Variants in FBXO3 observed in about 807,000 individuals in gnomAD.
The protein encoded by FBXO3 is F-box protein 3.
Under a neutral mutation model 64.8 loss-of-function variants are expected in FBXO3, and 17 were observed. That is an observed-to-expected ratio of 0.26 (90% CI 0.18 to 0.39). The LOEUF (loss-of-function observed/expected upper bound fraction) is 0.39. Among genes scored for constraint, FBXO3 ranks in the 10% least tolerant of loss-of-function variants. FBXO3 has a pLI of 1.00. For missense variants in FBXO3, 420 were observed against 589.9 expected, an observed-to-expected ratio of 0.71 and a Z score of 2.98; for synonymous variants, 182 against 201.6, an observed-to-expected ratio of 0.90 and a Z score of 0.82.
At chr11:33,753,445 G>GC (rs1216913936) in intron 6 of FBXO3, 2 of 152,168 alleles carry the variant, frequency 1.3e-5, no homozygotes, top group African/African-American at 4.8e-5. Context: ...GAGTAGCACT[G>GC]CTGGACCACA....
intron 5 of FBXO3, among the ~76,000 whole-genome samples, chr11:33,755,100 G>C (rs1443196302): frequency 6.6e-6 from 1 of 151,920 alleles, no homozygotes; most frequent in African/African-American, 2.4e-5. Flanking sequence ...TCAAACTCCT[G>C]ATCTCAGTTG....
At chr11:33,745,542 T>G (rs907520099) in intron 10 of FBXO3, 1 of 151,894 alleles carries the variant, frequency 6.6e-6, no homozygotes, top group Non-Finnish European at 1.5e-5. Flanking sequence ...AACTGAAAAC[T>G]CCCCCAAATG....
rs892648506 is a variant in FBXO3 at position 33,755,307 on chromosome 11, C to T, written c.678+464G>A. Among the ~76,000 whole-genome samples the T allele has an allele frequency of 3.3e-5, 5 of 152,016 alleles. No individual in the cohort carries two copies. In the East Asian group the frequency reaches 9.6e-4, roughly 29 times the overall value. Reference sequence around the variant, plus strand: ...ATTTTTTCATTTTTATTAAATGAAACCAATACCATATTTTCTGTGGTTACA... The same window carrying T: ...ATTTTTTCATTTTTATTAAATGAAATCAATACCATATTTTCTGTGGTTACA... On this transcript the variant is annotated intron_variant, in intron 5 of 10. Transcript: ENST00000265651.
In FBXO3 at chr11:33,751,623, G is replaced by C. The variant is rs1474491588; in HGVS notation, c.725-16C>G. 1 of 1,442,574 alleles carries C rather than the reference G, an allele frequency of 6.9e-7. No individual in the cohort carries two copies. Among genetic ancestry groups the C allele is most frequent in the African/African-American group, 1.4e-5 (1 of 69,100 alleles). The allele number at this position is 1,442,574 out of a possible 1,614,324, so 89.4% of individuals were successfully genotyped here. A position where few individuals can be genotyped will look rare whatever the true frequency, so the allele number is the denominator to read the frequency against. On this transcript the variant is annotated splice_polypyrimidine_tract_variant and intron_variant, in intron 6 of 10. Transcript: ENST00000265651. ...AAAGTAGCACCTATAAAGCAGGAAAGGGAGAAAAAAAGAAAAGAACAAATA... is the reference window on the plus strand; with the variant it reads ...AAAGTAGCACCTATAAAGCAGGAAACGGAGAAAAAAAGAAAAGAACAAATA...
At chr11:33,770,919 T>C in intron 1 of FBXO3, 89 bp from the exon 2 acceptor site, 1 of 1,056,248 alleles carries the variant, frequency 9.5e-7, no homozygotes, top group Non-Finnish European at 1.4e-6. Context: ...TTTTGTTTTA[T>C]GCCTTTTGTT....
chr11:33,748,147 A>C (rs1477164768), intron 9 of FBXO3, among the ~76,000 whole-genome samples: 1 of 152,206 alleles, frequency 6.6e-6, no homozygotes, highest in African/African-American at 2.4e-5. Flanking sequence ...CTGTGGCTTT[A>C]ATAAAGCCTC....
intron 3 of FBXO3, among the ~76,000 whole-genome samples, chr11:33,759,690 C>A (rs78177638): frequency 0.024 from 3,638 of 152,014 alleles, 130 homozygotes; most frequent in African/African-American, 0.08. Flanking sequence ...TAGGCCTATA[C>A]CAAGACAAGA....
intron 9 of FBXO3, 69 bp downstream of exon 9, chr11:33,748,708 A>G (rs1289262156): frequency 1.1e-5 from 11 of 961,448 alleles, no homozygotes; most frequent in Non-Finnish European, 1.8e-5. Flanking sequence ...TATATGTTAT[A>G]TTTAGGATGC....
rs188250996 is a variant in FBXO3 at position 33,742,603 on chromosome 11, T to C, written c.1240-519A>G. 521 of 151,996 alleles carry C rather than the reference T, an allele frequency of 3.4e-3. 2 individuals carry two copies. Among genetic ancestry groups the C allele is most frequent in the Middle Eastern group, 0.01 (3 of 294 alleles). 9.4% of individuals were successfully genotyped at this position (151,996 alleles called of 1,614,324 possible). A position where few individuals can be genotyped will look rare whatever the true frequency, so the allele number is the denominator to read the frequency against. On this transcript the variant is annotated intron_variant, in intron 10 of 10. Coordinates refer to ENST00000265651, the MANE Select transcript of FBXO3 (RefSeq NM_012175.4). The stretch of plus-strand genomic sequence containing the variant: ...CAGTTTTACTGAGCTTATATTCATA[T>C]ACTGAATAATAATTATTAAGCTATA...
At position 33,774,423 on chromosome 11, in the gene FBXO3, T is replaced by C. The variant is rs201039770; in HGVS notation, c.75A>G (p.Leu25=). ...SLPTDPLLLI[L]SFLDYRDLIN... is the part of the protein sequence containing the mutation. ...TTAGATCCCGATAGTCCAAAAAGGA[T>C]AAGATGAGGAGCAGGGGATCGGTGG... Residue 25 remains leucine, a synonymous_variant, in exon 1 of 11, where the codon TTA becomes TTG. Coordinates refer to ENST00000265651, the MANE Select transcript of FBXO3 (RefSeq NM_012175.4). 2.0e-5 allele frequency: 32 copies of C among 1,605,014 alleles called. No homozygotes were observed. Among genetic ancestry groups the C allele is most frequent in the Non-Finnish European group, 2.5e-5 (29 of 1,176,030 alleles).
At position 33,767,000 on chromosome 11, in the gene FBXO3, A is replaced by G. The variant is rs796204333; in HGVS notation, c.358+1851T>C. On this transcript the variant is annotated intron_variant, in intron 3 of 10. Transcript: ENST00000265651. The stretch of plus-strand genomic sequence containing the variant: ...AAAATTCATGCACCAAAAAAAAAAA[A>G]AGAAAAAAAAAAGGAAAAGAAAAAC... 6.5e-3 allele frequency among the ~76,000 whole-genome samples: 677 copies of G among 104,364 alleles called. 1 individual carries two copies. Among genetic ancestry groups the G allele is most frequent in the Admixed American group, 0.012 (141 of 11,540 alleles). The allele number at this position is 104,364 out of a possible 152,430, so 68.5% of individuals were successfully genotyped here.
chr11:33,751,983 A>C (rs1590568084), intron 6 of FBXO3, among the ~76,000 whole-genome samples: 2 of 152,376 alleles, frequency 1.3e-5, no homozygotes, highest in South Asian at 4.1e-4. Context: ...ACTAGGAAGA[A>C]ACTACAAGAA....
At chr11:33,748,679 A>C (rs1027642520) in intron 9 of FBXO3, 98 bp downstream of exon 9, 1 of 650,878 alleles carries the variant, frequency 1.5e-6, no homozygotes, top group African/African-American at 1.8e-5. Flanking sequence ...AATTAATAGG[A>C]TAACGACCTT....
chr11:33,772,533 A>G (rs1855534542), intron 1 of FBXO3: 1 of 152,238 alleles, frequency 6.6e-6, no homozygotes, highest in Admixed American at 6.5e-5. Context: ...ATGCTGTTGA[A>G]CAGTACCGTT....
chr11:33,764,838 G>A (rs1341193812), intron 3 of FBXO3, among the ~76,000 whole-genome samples: 2 of 152,162 alleles, frequency 1.3e-5, no homozygotes, highest in East Asian at 3.9e-4. Flanking sequence ...GCCAGGTGTG[G>A]TGGTTCGTGA....
intron 9 of FBXO3, among the ~76,000 whole-genome samples, chr11:33,747,639 G>A (rs547775702): frequency 6.6e-6 from 1 of 151,890 alleles, no homozygotes; most frequent in South Asian, 2.1e-4. Flanking sequence ...AGCCTCCTGA[G>A]TAACTGGGAT....
At chr11:33,742,195 A>C in intron 10 of FBXO3, 111 bp from the exon 11 acceptor site, 2 of 1,022,996 alleles carry the variant, frequency 2.0e-6, no homozygotes, top group Non-Finnish European at 2.7e-6. Flanking sequence ...GCCAAATATG[A>C]ATTTCCATAG....
rs1377809910 is a variant in FBXO3 at position 33,743,001 on chromosome 11, T to A, written c.1240-917A>T. On this transcript the variant is annotated intron_variant, in intron 10 of 10. Coordinates refer to ENST00000265651, the MANE Select transcript of FBXO3 (RefSeq NM_012175.4). The surrounding 1 kb of genome is among the most constrained non-coding windows in gnomAD (Gnocchi z 4.6). Reference sequence around the variant, plus strand: ...CGCAGGATGATCCAAATATCTGGAGTCTGAAACAGCTGGGGCTCCTGGGTG... The same window carrying A: ...CGCAGGATGATCCAAATATCTGGAGACTGAAACAGCTGGGGCTCCTGGGTG... 1 of 152,138 alleles carries A rather than the reference T, an allele frequency of 6.6e-6. No individual in the cohort carries two copies. The highest frequency in any genetic ancestry group is 2.4e-5 in the African/African-American group (1 of 41,354). 9.4% of individuals were successfully genotyped at this position (152,138 alleles called of 1,614,324 possible).
intron 9 of FBXO3, 71 bp downstream of exon 9, chr11:33,748,706 A>G: frequency 1.1e-6 from 1 of 930,082 alleles, no homozygotes; most frequent in East Asian, 2.4e-5. Context: ...TTTATATGTT[A>G]TATTTAGGAT....
Sources: gnomAD v4.1 joint callset for allele counts (sites outside exome capture counted in the v4.1 genomes callset) on GRCh38, gnomAD v4.1.1 for gene constraint, Gnocchi (gnomAD v3.1) non-coding constraint, MANE v1.5 for transcripts, NCBI Gene and HGNC (gene_info 2026-07-23, HGNC 2026-07-21) for gene names.